Variants in NFAT5 observed in about 807,000 individuals in gnomAD.
NFAT5 encodes the protein nuclear factor of activated T cells 5, also known as nuclear factor of activated T-cells 5.
NFAT5 carries 31 observed loss-of-function variants against 166.5 expected under a neutral mutation model. The ratio of observed to expected loss-of-function variants is 0.19; its 90% CI spans 0.14 to 0.25. The LOEUF (loss-of-function observed/expected upper bound fraction) is 0.25, where lower values mean the gene tolerates loss of function less well. Ranked by LOEUF, NFAT5 falls within the 10% of genes least tolerant of loss-of-function variation. NFAT5 has a pLI of 1.00. For synonymous variants in NFAT5, 612 were observed against 639.7 expected, an observed-to-expected ratio of 0.96 and a Z score of 0.65; for missense variants, 1,449 against 1,821.8, an observed-to-expected ratio of 0.80 and a Z score of 3.72.
At chr16:69,599,289 G>T (rs947366998) in intron 2 of NFAT5, among the ~76,000 whole-genome samples, 1 of 151,992 alleles carries the variant, frequency 6.6e-6, no homozygotes, top group Non-Finnish European at 1.5e-5. Context: ...AAAAATGTTG[G>T]GAGTTGGCCA....
At chr16:69,627,570 A>G (rs909440480) in intron 3 of NFAT5, among the ~76,000 whole-genome samples, 15 of 152,196 alleles carry the variant, frequency 9.9e-5, no homozygotes, top group African/African-American at 3.6e-4. Context: ...AACTTCAGAT[A>G]TATTTCTCAT....
intron 7 of NFAT5, among the ~76,000 whole-genome samples, chr16:69,660,391 C>T (rs937729937): frequency 1.3e-5 from 2 of 152,050 alleles, no homozygotes; most frequent in Non-Finnish European, 2.9e-5. Context: ...GAGCGTGCCA[C>T]TGCACGCCAG....
At chr16:69,615,820 C>T (rs1178932470) in intron 2 of NFAT5, among the ~76,000 whole-genome samples, 5 of 152,108 alleles carry the variant, frequency 3.3e-5, no homozygotes, top group Non-Finnish European at 5.9e-5. Flanking sequence ...CTACTGCCTC[C>T]TGCTTTCTGA....
At chr16:69,596,018 T>G (rs943777355) in intron 2 of NFAT5, among the ~76,000 whole-genome samples, 17 of 152,196 alleles carry the variant, frequency 1.1e-4, no homozygotes, top group Non-Finnish European at 2.4e-4. Flanking sequence ...GTATTTAAAA[T>G]ATATAAGTTA....
At chr16:69,587,329 G>T (rs939069828) in intron 2 of NFAT5, among the ~76,000 whole-genome samples, 4 of 150,464 alleles carry the variant, frequency 2.7e-5, no homozygotes, top group Admixed American at 2.0e-4. Flanking sequence ...ACCCACTTCG[G>T]CCTCCCAAGG....
At position 69,692,784 on chromosome 16, in the gene NFAT5, A is replaced by G. The variant is rs1175309120; in HGVS notation, c.2959A>G (p.Thr987Ala). 6.2e-7 allele frequency: 1 copy of G among 1,614,102 alleles called. No individual in the cohort carries two copies. The highest frequency in any genetic ancestry group is 8.5e-7 in the Non-Finnish European group (1 of 1,180,042). ...PAVSGNETST[T>A]TTQQVATPGT... is the part of the protein sequence containing the mutation. ...AGTTTCTGGAAATGAAACTTCTACA[A>G]CTACCACACAGCAGGTTGCAACCCC... is the stretch of plus-strand genomic sequence containing the variant. The change falls in exon 13 of 15, where the codon ACT (threonine) becomes GCT (alanine). Residue 987 changes from threonine to alanine, a missense_variant. Thr to Ala is a moderately conservative substitution (Grantham distance 58). Coordinates refer to ENST00000349945, the MANE Select transcript of NFAT5 (RefSeq NM_138713.4).
intron 14 of NFAT5, 23 bp downstream of exon 14, chr16:69,695,402 T>C (rs1452915077): frequency 6.6e-7 from 1 of 1,523,232 alleles, no homozygotes; most frequent in Non-Finnish European, 9.1e-7. Context: ...TTTTGGCTTC[T>C]TATTGAAAAG....
chr16:69,586,040 C>G (rs1316686132), intron 2 of NFAT5, among the ~76,000 whole-genome samples: 1 of 151,270 alleles, frequency 6.6e-6, no homozygotes, highest in Non-Finnish European at 1.5e-5. Flanking sequence ...ATTAAAAATG[C>G]TTTCAAAAAA....
chr16:69,581,293 G>A (rs372478492), intron 2 of NFAT5, among the ~76,000 whole-genome samples: 1 of 152,116 alleles, frequency 6.6e-6, no homozygotes. Context: ...TTGCAGAATA[G>A]TATTCCATTT....
chr16:69,661,539 TAAAAAAAAA>T lies in NFAT5; in HGVS notation c.1369+1660_1369+1668del, dbSNP rs1037382239. On this transcript the variant is annotated intron_variant, in intron 7 of 14. Transcript: ENST00000349945. ...AGCCTGTATAAGAGACCCAGTCTCT[TAAAAAAAAA>T]AAAAAAAAAAAAAAAAAAAGGAAAT... Among the ~76,000 whole-genome samples the T allele has an allele frequency of 2.5e-3, 96 of 37,934 alleles. No homozygotes were observed. The East Asian group carries it at 0.029, about 12-fold the overall frequency. 24.9% of individuals were successfully genotyped at this position (37,934 alleles called of 152,430 possible).
intron 2 of NFAT5, among the ~76,000 whole-genome samples, chr16:69,621,232 T>G (rs916599963): frequency 4.6e-5 from 7 of 151,916 alleles, no homozygotes; most frequent in African/African-American, 1.2e-4. Flanking sequence ...TTCTTGTGCT[T>G]CTTCTATTAC....
At position 69,578,312 on chromosome 16, in the gene NFAT5, G is replaced by A. The variant is rs1032947321; in HGVS notation, c.127+9764G>A. 6.6e-5 allele frequency among the ~76,000 whole-genome samples: 10 copies of A among 152,146 alleles called. 1 individual carries two copies. The highest frequency in any genetic ancestry group is 2.4e-4 in the African/African-American group (10 of 41,426). ...GCATAAAGGTGAAAACAGAATATGA[G>A]TTTTTGGTCCCTTACAAGTGAGTAC... On this transcript the variant is annotated intron_variant, in intron 2 of 14. Transcript: ENST00000349945.
At chr16:69,685,295 C>G (rs2037252200) in intron 11 of NFAT5, 2 of 150,024 alleles carry the variant, frequency 1.3e-5, no homozygotes, top group Admixed American at 6.7e-5. Flanking sequence ...GCCTGTAATG[C>G]CAGCACTTTG....
intron 10 of NFAT5, among the ~76,000 whole-genome samples, chr16:69,679,961 CAA>C (rs2151692021): frequency 1.3e-5 from 2 of 151,192 alleles, no homozygotes; most frequent in East Asian, 2.0e-4. Flanking sequence ...ACTAAAAATA[CAA>C]AAAAATTAGC....
At chr16:69,594,274 TACG>T (rs1301895113) in intron 2 of NFAT5, among the ~76,000 whole-genome samples, 9 of 152,244 alleles carry the variant, frequency 5.9e-5, no homozygotes, top group African/African-American at 2.2e-4. Context: ...TACAAATCTG[TACG>T]ACATGTTACT....
intron 5 of NFAT5, among the ~76,000 whole-genome samples, chr16:69,653,919 C>T (rs1033955846): frequency 3.3e-5 from 5 of 151,780 alleles, no homozygotes; most frequent in Non-Finnish European, 7.4e-5. Context: ...GTAATCAAGA[C>T]TATTGGACTG....
intron 10 of NFAT5, among the ~76,000 whole-genome samples, chr16:69,684,589 G>A (rs530511270): frequency 6.6e-6 from 1 of 151,908 alleles, no homozygotes; most frequent in South Asian, 2.1e-4. Context: ...CACCATGTTG[G>A]TCAGGGTGGT....
intron 3 of NFAT5, among the ~76,000 whole-genome samples, chr16:69,636,858 T>C (rs2034989959): frequency 1.3e-5 from 2 of 152,218 alleles, no homozygotes. Context: ...CTCATGGTCT[T>C]GGGGATTATT....
chr16:69,647,031 C>G lies in NFAT5; in HGVS notation c.257C>G (p.Ala86Gly). Reference sequence around the variant, plus strand: ...ACTCTTGAATTGTACACTGCAGATGCTTCTTCAGCTCCCTCCTCTTCCTCC... The same window carrying G: ...ACTCTTGAATTGTACACTGCAGATGGTTCTTCAGCTCCCTCCTCTTCCTCC... ...SPPPAVVAADASSAPSSSSMG... is the reference protein window; with the variant it reads ...SPPPAVVAADGSSAPSSSSMG... Residue 86 changes from alanine to glycine, a missense_variant, in exon 4 of 15, where the codon GCT becomes GGT. Coordinates refer to ENST00000349945, the MANE Select transcript of NFAT5 (RefSeq NM_138713.4). This position sits in a 1 kb window ranked among gnomAD's most constrained non-coding sequence, Gnocchi z 4.8. 6.4e-7 allele frequency: 1 copy of G among 1,573,432 alleles called. No individual in the cohort carries two copies. Among genetic ancestry groups the G allele is most frequent in the Non-Finnish European group, 8.6e-7 (1 of 1,156,656 alleles).
Sources: allele counts gnomAD v4.1 joint callset (sites outside exome capture counted in the v4.1 genomes callset), GRCh38; gene constraint gnomAD v4.1.1; non-coding constraint Gnocchi (gnomAD v3.1); transcripts MANE v1.5; gene names NCBI Gene and HGNC (gene_info 2026-07-23, HGNC 2026-07-21).